The following PABIR3 variants were observed in gnomAD, a reference collection of about 807,000 sequenced individuals.
PABIR3 encodes the protein PABIR family member 3.
In PABIR3, 20 loss-of-function variants were observed where a neutral mutation model predicts 23.1. That is an observed-to-expected ratio of 0.86 (90% CI 0.61 to 1.26). The LOEUF (loss-of-function observed/expected upper bound fraction) is 1.26, where lower values mean the gene tolerates loss of function less well. PABIR3 is among the 50% of genes most tolerant of loss of function. PABIR3 has a pLI of 0.00. For missense variants in PABIR3, 189 were observed against 195.4 expected, an observed-to-expected ratio of 0.97 and a Z score of 0.20; for synonymous variants, 69 against 68.5, an observed-to-expected ratio of 1.01 and a Z score of -0.04.
chrX:134,849,869 C>T (rs867549191), intron 9 of PABIR3, among the ~76,000 whole-genome samples: 1 of 58,853 alleles, frequency 1.7e-5, no homozygotes, highest in Admixed American at 3.1e-4. Context: ...GCTCTTCTTC[C>T]TTTTTTTTTT....
chrX:134,831,016 T>C (rs1426229803), intron 4 of PABIR3, among the ~76,000 whole-genome samples: 2 of 111,526 alleles, frequency 1.8e-5, no homozygotes, highest in Non-Finnish European at 1.9e-5. Flanking sequence ...TTAAGACTTA[T>C]TTTCAGCAGT....
At chrX:134,800,005 C>T (rs2080019956) in intron 1 of PABIR3, 1 of 108,799 alleles carries the variant, frequency 9.2e-6, no homozygotes, top group Admixed American at 9.9e-5. Context: ...TAAAACCTTC[C>T]TTACCGGCCG....
At chrX:134,806,509 G>A (rs113655995), upstream of PABIR3, among the ~76,000 whole-genome samples, 1 of 109,373 alleles carries the variant, frequency 9.1e-6, no homozygotes, top group Admixed American at 9.8e-5. Flanking sequence ...CCAGCTACTC[G>A]GGAGGCTGAG....
intron 4 of PABIR3, among the ~76,000 whole-genome samples, chrX:134,841,568 G>A (rs765586889): frequency 1.3e-4 from 14 of 111,618 alleles, no homozygotes; most frequent in Non-Finnish European, 2.1e-4. Flanking sequence ...AGTGGCTCAC[G>A]CCTGTAATCC....
chrX:134,796,911 G>C (rs1201880239), intron 1 of PABIR3: 1 of 111,355 alleles, frequency 9.0e-6, no homozygotes, highest in Non-Finnish European at 1.9e-5. Flanking sequence ...CCCCATGCTC[G>C]GGGACCCGGT....
intron 4 of PABIR3, among the ~76,000 whole-genome samples, chrX:134,836,673 C>A (rs1012493675): frequency 1.8e-5 from 2 of 111,539 alleles, no homozygotes; most frequent in Non-Finnish European, 3.8e-5. Context: ...ATGACCTCAT[C>A]CTAATCTGCT....
chrX:134,815,971 G>GT (rs2080955936), intron 3 of PABIR3, among the ~76,000 whole-genome samples: 1 of 111,885 alleles, frequency 8.9e-6, no homozygotes, highest in Non-Finnish European at 1.9e-5. Flanking sequence ...GTGAGCCATT[G>GT]AATCCAGCCT....
chrX:134,809,077 G>A (rs896468342), intron 2 of PABIR3: 2 of 129,443 alleles, frequency 1.5e-5, no homozygotes, highest in African/African-American at 6.5e-5. Context: ...GCTTTTTAGA[G>A]GGTCAATAAT....
At chrX:134,818,291 T>C (rs1490908627) in intron 3 of PABIR3, among the ~76,000 whole-genome samples, 2 of 111,547 alleles carry the variant, frequency 1.8e-5, no homozygotes, top group Non-Finnish European at 3.8e-5. Flanking sequence ...TAGATTGTTA[T>C]TTAAAACTGT....
intron 3 of PABIR3, chrX:134,821,727 C>T: frequency 1.0e-6 from 1 of 964,266 alleles, no homozygotes; most frequent in Non-Finnish European, 1.3e-6. Flanking sequence ...ATTCCTGATC[C>T]TGCTTTATGC....
At chrX:134,861,472 G>A in the PABIR3 span, among the ~76,000 whole-genome samples, 1 of 107,007 alleles carries the variant, frequency 9.3e-6, no homozygotes, top group South Asian at 4.2e-4. Flanking sequence ...AAGTAGTTGC[G>A]GTTTTTGCCT....
chrX:134,814,389 T>C (rs914279766), intron 2 of PABIR3, among the ~76,000 whole-genome samples: 4 of 111,650 alleles, frequency 3.6e-5, no homozygotes, highest in Non-Finnish European at 7.5e-5. Context: ...GCTGTTTAGG[T>C]ATTTGAAATC....
chrX:134,808,169 G>A (rs935183709), intron 2 of PABIR3: 1 of 296,469 alleles, frequency 3.4e-6, no homozygotes, highest in Non-Finnish European at 5.9e-6. Flanking sequence ...AAGCAAATAA[G>A]CTTTGGACTT....
intron 6 of PABIR3, 36 bp from the exon 7 acceptor site, chrX:134,847,347 G>A (rs1291164424): frequency 9.5e-7 from 1 of 1,052,442 alleles, no homozygotes; most frequent in Non-Finnish European, 1.3e-6. Flanking sequence ...ATAAGCAATT[G>A]GTGCTACAAT....
Position 134,854,803 on chromosome X carries a change from CAAATT to C in PABIR3, c.*590_*594del, listed in dbSNP as rs1385802722. ...AGCAGTAGGTAGGAGAAGAGCAAGA[CAAATT>C]AAAGTTAATTGAATAGAAAGAAAAT... On this transcript the variant is annotated 3_prime_UTR_variant, in exon 11 of 11. Transcript: ENST00000645433. 1 of 111,943 alleles carries C rather than the reference CAAATT, an allele frequency of 8.9e-6. No individual in the cohort carries two copies. The highest frequency in any genetic ancestry group is 3.2e-5 in the African/African-American group (1 of 30,876). The allele number at this position is 111,943 out of a possible 1,213,427, so 9.2% of individuals were successfully genotyped here.
At chrX:134,855,327 G>A (rs1054149100), downstream of PABIR3, among the ~76,000 whole-genome samples, 3 of 109,208 alleles carry the variant, frequency 2.7e-5, no homozygotes, top group Admixed American at 3.0e-4. Flanking sequence ...CCAGCTACTC[G>A]AGAGGCTGAG....
chrX:134,860,770 T>C, the PABIR3 span, among the ~76,000 whole-genome samples: 1 of 110,699 alleles, frequency 9.0e-6, no homozygotes, highest in South Asian at 3.8e-4. Context: ...AGGAATGAAG[T>C]CTTGACACAT....
chrX:134,861,450 A>C, the PABIR3 span, among the ~76,000 whole-genome samples: 3 of 109,322 alleles, frequency 2.7e-5, no homozygotes, highest in African/African-American at 6.6e-5. Context: ...GCTTTTTATT[A>C]GGTTGGTGCA....
intron 4 of PABIR3, among the ~76,000 whole-genome samples, chrX:134,844,416 G>A (rs2082366555): frequency 1.8e-5 from 2 of 109,817 alleles, no homozygotes; most frequent in African/African-American, 6.6e-5. Flanking sequence ...TGCATCTGTT[G>A]ATCACTTTGG....
Sources: allele counts gnomAD v4.1 joint callset (sites outside exome capture counted in the v4.1 genomes callset), GRCh38; gene constraint gnomAD v4.1.1; transcripts MANE v1.5; gene names NCBI Gene and HGNC (gene_info 2026-07-23, HGNC 2026-07-21).